Variants in EHBP1 observed in about 807,000 individuals in gnomAD.
The protein encoded by EHBP1 is EH domain-binding protein 1.
A neutral mutation model predicts 144.0 loss-of-function variants in EHBP1; 55 were observed. That is an observed-to-expected ratio of 0.38 (90% CI 0.31 to 0.48). EHBP1 has a LOEUF of 0.48. Among genes scored for constraint, EHBP1 ranks in the 20% least tolerant of loss-of-function variants. EHBP1 has a pLI of 0.98. For synonymous variants in EHBP1, 469 were observed against 472.7 expected (o/e 0.99, Z 0.10); for missense variants, 1,200 against 1,364.2 (o/e 0.88, Z 1.90).
intron 19 of EHBP1, among the ~76,000 whole-genome samples, chr2:63,014,031 A>G (rs1351719253): frequency 6.6e-6 from 1 of 152,200 alleles, no homozygotes; most frequent in African/African-American, 2.4e-5. Context: ...ATTCTACATA[A>G]AAGGCACCAG....
At chr2:62,961,844 A>G (rs2058016949) in intron 14 of EHBP1, among the ~76,000 whole-genome samples, 1 of 152,122 alleles carries the variant, frequency 6.6e-6, no homozygotes, top group Non-Finnish European at 1.5e-5. Flanking sequence ...AGCGTGACCA[A>G]CATGGTGAAA....
At position 62,750,011 on chromosome 2, in the gene EHBP1, T is replaced by G. The variant is rs552715757; in HGVS notation, c.162+2559T>G. On this transcript the variant is annotated intron_variant, in intron 3 of 22. Transcript: ENST00000431489. ...AATTAAGTACCATTTGTCAATTTTG[T>G]CTTTTGTTGCCATTGCTTTTGGTGT... Among the ~76,000 whole-genome samples, 97 of 152,194 alleles carry G rather than the reference T, an allele frequency of 6.4e-4. 1 individual carries two copies. The highest frequency in any genetic ancestry group is 2.3e-3 in the South Asian group (11 of 4,828).
chr2:62,682,087 G>A (rs2151730608), intron 1 of EHBP1, among the ~76,000 whole-genome samples: 1 of 152,324 alleles, frequency 6.6e-6, no homozygotes, highest in South Asian at 2.1e-4. Context: ...AATGGACAGA[G>A]ACCTCAATCC....
intron 7 of EHBP1, among the ~76,000 whole-genome samples, chr2:62,832,518 T>C (rs2046897944): frequency 6.6e-6 from 1 of 151,532 alleles, no homozygotes. Flanking sequence ...GTCTGTTTAG[T>C]CTATCAGTCT....
At chr2:62,907,514 G>A (rs999099181) in intron 10 of EHBP1, among the ~76,000 whole-genome samples, 1 of 152,164 alleles carries the variant, frequency 6.6e-6, no homozygotes, top group Non-Finnish European at 1.5e-5. Flanking sequence ...TTGGTGTCTG[G>A]TGAGGGTCTG....
At chr2:62,770,704 A>G (rs548525743) in intron 4 of EHBP1, among the ~76,000 whole-genome samples, 1 of 152,328 alleles carries the variant, frequency 6.6e-6, no homozygotes, top group South Asian at 2.1e-4. Flanking sequence ...AGAAACATGC[A>G]TGTGTAAATT....
chr2:62,882,140 T>C (rs2051487038), intron 10 of EHBP1, among the ~76,000 whole-genome samples: 1 of 152,256 alleles, frequency 6.6e-6, no homozygotes, highest in African/African-American at 2.4e-5. Context: ...ACTTCTGAAA[T>C]AGTTCATTTT....
intron 1 of EHBP1, among the ~76,000 whole-genome samples, chr2:62,700,311 A>G (rs1301737614): frequency 6.6e-6 from 1 of 152,202 alleles, no homozygotes; most frequent in African/African-American, 2.4e-5. Flanking sequence ...TTATTTTCCC[A>G]TTACTCAACC....
At chr2:62,737,110 A>G (rs2038211915) in intron 2 of EHBP1, among the ~76,000 whole-genome samples, 1 of 152,114 alleles carries the variant, frequency 6.6e-6, no homozygotes, top group Non-Finnish European at 1.5e-5. Flanking sequence ...AATGGGCTGG[A>G]GTTGGATATT....
chr2:62,828,883 C>A (rs888990801), intron 6 of EHBP1, among the ~76,000 whole-genome samples: 2 of 152,156 alleles, frequency 1.3e-5, no homozygotes, highest in African/African-American at 4.8e-5. Flanking sequence ...GTAATCCCAA[C>A]ACTTTGGGAG....
intron 8 of EHBP1, among the ~76,000 whole-genome samples, chr2:62,863,858 T>TC: frequency 7.1e-6 from 1 of 141,292 alleles, no homozygotes; most frequent in East Asian, 2.0e-4. Context: ...TTTTTTTTTT[T>TC]TTTTTTTAAA....
chr2:62,939,569 G>A (rs1462763616), intron 10 of EHBP1, among the ~76,000 whole-genome samples: 2 of 152,036 alleles, frequency 1.3e-5, no homozygotes, highest in Non-Finnish European at 1.5e-5. Flanking sequence ...CGCCACGCTC[G>A]GCCAAATTGC....
intron 3 of EHBP1, among the ~76,000 whole-genome samples, chr2:62,754,598 T>A (rs944521429): frequency 1.3e-5 from 2 of 152,214 alleles, no homozygotes; most frequent in Non-Finnish European, 2.9e-5. Flanking sequence ...AGGTGGAGTC[T>A]ACAGAGGCAG....
rs758879598 is a variant in EHBP1, at chr2:62,942,814, G to A, written c.1282G>A (p.Val428Ile). Residue 428 changes from valine to isoleucine, a missense_variant, in exon 11 of 23, where the codon GTA becomes ATA. By Grantham distance (29) the Val-to-Ile change is conservative (BLOSUM62 3). This residue lies in a region of EHBP1 where 94 missense variants were observed against 143.0 expected (regional missense o/e 0.66). Transcript: ENST00000431489. The stretch of plus-strand genomic sequence containing the variant: ...AGAAGTTACAAAGAACTACCGAGGA[G>A]TAAAAATCACCAATTTTACTACATC... ...CKEVTKNYRG[V>I]KITNFTTSWR... The A allele has an allele frequency of 6.2e-7, 1 of 1,613,730 alleles. No homozygotes were observed. Among genetic ancestry groups the A allele is most frequent in the South Asian group, 1.1e-5 (1 of 91,052 alleles).
chr2:62,839,948 A>G (rs1178520951), intron 7 of EHBP1, among the ~76,000 whole-genome samples: 4 of 152,194 alleles, frequency 2.6e-5, no homozygotes, highest in Non-Finnish European at 5.9e-5. Flanking sequence ...CATCCCCATC[A>G]AGGTACCAAT....
At chr2:62,841,737 C>A (rs1352319903) in intron 7 of EHBP1, among the ~76,000 whole-genome samples, 1 of 151,832 alleles carries the variant, frequency 6.6e-6, no homozygotes, top group Non-Finnish European at 1.5e-5. Flanking sequence ...GGCTTCTTTT[C>A]TTTTTTCTTT....
intron 14 of EHBP1, among the ~76,000 whole-genome samples, chr2:62,963,789 A>G (rs534214079): frequency 1.2e-4 from 19 of 152,338 alleles, no homozygotes; most frequent in African/African-American, 3.8e-4. Context: ...TACAGATTTT[A>G]TTTAGGAATT....
chr2:62,984,489 G>A (rs2059108087), intron 15 of EHBP1, among the ~76,000 whole-genome samples: 1 of 152,026 alleles, frequency 6.6e-6, no homozygotes, highest in South Asian at 2.1e-4. Context: ...TTCACCTACT[G>A]GGTTTTCAGT....
chr2:62,985,475 A>C (rs2059149440), intron 15 of EHBP1, among the ~76,000 whole-genome samples: 1 of 152,220 alleles, frequency 6.6e-6, no homozygotes, highest in South Asian at 2.1e-4. Context: ...TTGCTGTTAA[A>C]TTAATCTTCT....
Sources: allele counts gnomAD v4.1 joint callset (sites outside exome capture counted in the v4.1 genomes callset), GRCh38; gene constraint gnomAD v4.1.1; regional missense constraint gnomAD v4.1.1; transcripts MANE v1.5; gene names NCBI Gene and HGNC (gene_info 2026-07-23, HGNC 2026-07-21).